Variants in ELAPOR1 observed in about 807,000 individuals in gnomAD.
ELAPOR1 encodes the protein endosome-lysosome associated apoptosis and autophagy regulator 1.
ELAPOR1 carries 77 observed loss-of-function variants against 119.7 expected under a neutral mutation model. That is an observed-to-expected ratio of 0.64 (90% CI 0.54 to 0.78). The LOEUF is 0.78. ELAPOR1 is among the 30% of genes least tolerant of loss of function. The pLI is 0.00. For synonymous variants in ELAPOR1, 481 were observed against 487.2 expected, an observed-to-expected ratio of 0.99 and a Z score of 0.17; for missense variants, 1,115 against 1,270.4, an observed-to-expected ratio of 0.88 and a Z score of 1.86.
intron 11 of ELAPOR1, among the ~76,000 whole-genome samples, chr1:109,191,013 C>G (rs561075515): frequency 6.6e-6 from 1 of 152,166 alleles, no homozygotes; most frequent in African/African-American, 2.4e-5. Flanking sequence ...TTCTGCAGTT[C>G]TAATAAACTC....
At chr1:109,146,252 C>T (rs553526171) in intron 1 of ELAPOR1, among the ~76,000 whole-genome samples, 18 of 151,928 alleles carry the variant, frequency 1.2e-4, no homozygotes, top group African/African-American at 3.9e-4. Context: ...CCAGGGAAGT[C>T]GAGGCTGCAG....
intron 15 of ELAPOR1, among the ~76,000 whole-genome samples, 184 bp from the exon 16 acceptor site, chr1:109,197,290 A>T (rs1051943796): frequency 3.3e-5 from 5 of 152,180 alleles, no homozygotes; most frequent in Non-Finnish European, 5.9e-5. Context: ...CTGTCTCAAA[A>T]AGACAAAACA....
At chr1:109,150,374 G>A (rs970918977) in intron 1 of ELAPOR1, among the ~76,000 whole-genome samples, 1 of 152,220 alleles carries the variant, frequency 6.6e-6, no homozygotes, top group Non-Finnish European at 1.5e-5. Flanking sequence ...TAGACTGGGA[G>A]CCCCTGCACC....
intron 8 of ELAPOR1, 28 bp from the exon 9 acceptor site, chr1:109,188,149 C>A: frequency 6.3e-7 from 1 of 1,577,782 alleles, no homozygotes; most frequent in Non-Finnish European, 8.7e-7. Flanking sequence ...CTCACACAGG[C>A]TGAGTTGTGC....
At chr1:109,183,683 A>G (rs1031224646) in intron 7 of ELAPOR1, among the ~76,000 whole-genome samples, 2 of 144,204 alleles carry the variant, frequency 1.4e-5, no homozygotes, top group Non-Finnish European at 3.0e-5. Flanking sequence ...CAATGGCATG[A>G]TCATGGCTCT....
chr1:109,198,762 AAAAAG>A, intron 18 of ELAPOR1, 88 bp downstream of exon 18: 1 of 1,217,176 alleles, frequency 8.2e-7, no homozygotes. Flanking sequence ...AAAAAGAGCA[AAAAAG>A]AAAAGAGTTT....
At chr1:109,177,152 G>A (rs1166319986) in intron 7 of ELAPOR1, among the ~76,000 whole-genome samples, 2 of 150,364 alleles carry the variant, frequency 1.3e-5, no homozygotes, top group Non-Finnish European at 3.0e-5. Flanking sequence ...TGGCCGGGCA[G>A]AGGGGCTCCT....
intron 1 of ELAPOR1, among the ~76,000 whole-genome samples, chr1:109,152,952 C>A (rs1434345522): frequency 5.3e-3 from 541 of 102,186 alleles, no homozygotes; most frequent in East Asian, 7.9e-3. Context: ...ACCCTGTCTC[C>A]AAAAAAAAAA....
At chr1:109,155,865 G>C (rs865939484) in intron 1 of ELAPOR1, among the ~76,000 whole-genome samples, 1 of 152,214 alleles carries the variant, frequency 6.6e-6, no homozygotes, top group South Asian at 2.1e-4. Context: ...ATTTTTGGAC[G>C]GGTGTGGTGA....
rs1226320570 is a variant in ELAPOR1 at position 109,173,529 on chromosome 1, T to A, written c.752T>A (p.Val251Glu). The change falls in exon 6 of 22, where the codon GTA becomes GAA. Residue 251 changes from valine to glutamate, a missense_variant. By Grantham distance (121) the Val-to-Glu change is moderately radical (BLOSUM62 -2). Transcript: ENST00000369939. Reference protein sequence around the residue: ...VLYWRTTAFSVWTKVPKPVLV... With the variant: ...VLYWRTTAFSEWTKVPKPVLV... ...TATTGGAGAACCACAGCCTTCTCAG[T>A]ATGGACCAAAGTACCCAAGCCTGTG... The A allele has an allele frequency of 3.7e-6, 6 of 1,614,212 alleles. No homozygotes were observed. Among genetic ancestry groups the A allele is most frequent in the Non-Finnish European group, 5.1e-6 (6 of 1,180,036 alleles).
In ELAPOR1 at chr1:109,134,385, G is replaced by A. The variant is rs1055407081; in HGVS notation, c.153+20049G>A. Among the ~76,000 whole-genome samples, 4 of 152,234 alleles carry A rather than the reference G, an allele frequency of 2.6e-5. No homozygotes were observed. In the East Asian group the frequency reaches 7.7e-4, roughly 29 times the overall value. ...TGGAGCCCAATGGTGAAGCCCTGGT[G>A]TGGGCTTCTTGACCTCACAGGGCTG... On this transcript the variant is annotated intron_variant, in intron 1 of 21. Transcript: ENST00000369939.
At chr1:109,150,231 G>A (rs1028497097) in intron 1 of ELAPOR1, among the ~76,000 whole-genome samples, 3 of 152,202 alleles carry the variant, frequency 2.0e-5, no homozygotes, top group African/African-American at 7.2e-5. Context: ...TAAGCCAGTG[G>A]GGTAGGCCCT....
intron 1 of ELAPOR1, among the ~76,000 whole-genome samples, chr1:109,144,136 C>T (rs71513965): frequency 0.048 from 6,943 of 144,140 alleles, 217 homozygotes; most frequent in Middle Eastern, 0.14. Flanking sequence ...CTTGGCTCAC[C>T]GCAACCTCCA....
intron 13 of ELAPOR1, 24 bp from the exon 14 acceptor site, chr1:109,192,587 C>T (rs1215146761): frequency 6.2e-7 from 1 of 1,612,452 alleles, no homozygotes; most frequent in African/African-American, 1.3e-5. Flanking sequence ...TCTCCCCTCT[C>T]CCCTCTTGTT....
chr1:109,161,303 G>C (rs556639632), intron 1 of ELAPOR1, among the ~76,000 whole-genome samples: 1 of 151,854 alleles, frequency 6.6e-6, no homozygotes. Context: ...CCAGCTACTC[G>C]GGAGGCTGAG....
chr1:109,170,149 A>C (rs1651838392), intron 3 of ELAPOR1, among the ~76,000 whole-genome samples: 1 of 152,254 alleles, frequency 6.6e-6, no homozygotes. Flanking sequence ...ACCATACAGT[A>C]TGTTGTTTAG....
At chr1:109,114,801 C>T (rs1647880497) in intron 1 of ELAPOR1, among the ~76,000 whole-genome samples, 1 of 152,158 alleles carries the variant, frequency 6.6e-6, no homozygotes. Flanking sequence ...CTACACAAAA[C>T]GGAGTGTGAA....
chr1:109,130,440 A>C (rs1285709000), intron 1 of ELAPOR1, among the ~76,000 whole-genome samples: 1 of 152,062 alleles, frequency 6.6e-6, no homozygotes, highest in African/African-American at 2.4e-5. Context: ...AAGAACTAAA[A>C]ATATATAGAG....
intron 7 of ELAPOR1, among the ~76,000 whole-genome samples, chr1:109,176,560 T>G (rs1284478911): frequency 6.6e-6 from 1 of 152,122 alleles, no homozygotes; most frequent in Non-Finnish European, 1.5e-5. Flanking sequence ...AAAGTCATAT[T>G]TACCTACACA....
Sources: gnomAD v4.1 joint callset for allele counts (sites outside exome capture counted in the v4.1 genomes callset) on GRCh38, gnomAD v4.1.1 for gene constraint, MANE v1.5 for transcripts, NCBI Gene and HGNC (gene_info 2026-07-23, HGNC 2026-07-21) for gene names.